CSMD1: variants seen among roughly 807,000 people sequenced by gnomAD.
CSMD1 encodes CUB and sushi domain-containing protein 1.
A neutral mutation model predicts 417.5 loss-of-function variants in CSMD1; 213 were observed. The observed-to-expected ratio is 0.51, with a 90% confidence interval of 0.46 to 0.57. CSMD1 has a LOEUF of 0.57. CSMD1 is among the 20% of genes least tolerant of loss of function. The pLI is 0.00. For synonymous variants in CSMD1, 2,862 were observed against 1,736.8 expected, an observed-to-expected ratio of 1.65 and a Z score of -16.11; for missense variants, 6,923 against 4,529.7, an observed-to-expected ratio of 1.53 and a Z score of -15.17.
chr8:4,565,625 C>T (rs1798559834), intron 2 of CSMD1, among the ~76,000 whole-genome samples: 1 of 151,646 alleles, frequency 6.6e-6, no homozygotes, highest in Non-Finnish European at 1.5e-5. Context: ...GTCCCAGCTA[C>T]TCAGGAGGCT....
At chr8:4,577,581 C>A (rs1445333997) in intron 2 of CSMD1, among the ~76,000 whole-genome samples, 1 of 152,156 alleles carries the variant, frequency 6.6e-6, no homozygotes, top group Non-Finnish European at 1.5e-5. Flanking sequence ...TTGCTTTTCC[C>A]TCAGGCAGGA....
chr8:4,050,955 G>A (rs1291347270), intron 3 of CSMD1, among the ~76,000 whole-genome samples: 2 of 152,002 alleles, frequency 1.3e-5, no homozygotes, highest in African/African-American at 2.4e-5. Context: ...GGTCTCACTT[G>A]GTTGGAGAAA....
chr8:3,706,364 G>A (rs1023133824), intron 7 of CSMD1, among the ~76,000 whole-genome samples: 6 of 152,196 alleles, frequency 3.9e-5, no homozygotes, highest in South Asian at 2.1e-4. Context: ...TTTCATCAGT[G>A]AAACAATTTC....
At chr8:4,202,782 A>T (rs892331923) in intron 3 of CSMD1, among the ~76,000 whole-genome samples, 2 of 152,224 alleles carry the variant, frequency 1.3e-5, no homozygotes, top group African/African-American at 4.8e-5. Context: ...AACAGAGAAT[A>T]AAACTGAGGA....
At chr8:3,254,234 C>G (rs564468475) in intron 26 of CSMD1, among the ~76,000 whole-genome samples, 20 of 152,256 alleles carry the variant, frequency 1.3e-4, no homozygotes, top group African/African-American at 3.9e-4. Flanking sequence ...GAGTTTCTGT[C>G]GAGAGATCAG....
At chr8:3,805,060 C>A (rs1800652255) in intron 5 of CSMD1, among the ~76,000 whole-genome samples, 2 of 151,602 alleles carry the variant, frequency 1.3e-5, no homozygotes, top group Admixed American at 1.3e-4. Flanking sequence ...ACCACTTAGG[C>A]ACAGAGAATT....
chr8:4,095,719 C>G (rs1292793712), intron 3 of CSMD1, among the ~76,000 whole-genome samples: 1 of 152,204 alleles, frequency 6.6e-6, no homozygotes. Flanking sequence ...ATCCGTACTT[C>G]AATTTGTTCA....
At chr8:4,540,525 G>A (rs570482144) in intron 2 of CSMD1, among the ~76,000 whole-genome samples, 1 of 152,116 alleles carries the variant, frequency 6.6e-6, no homozygotes, top group South Asian at 2.1e-4. Flanking sequence ...GCAACAGAGC[G>A]AGACCTCATC....
chr8:3,726,132 A>G (rs1802481777), intron 6 of CSMD1, among the ~76,000 whole-genome samples: 1 of 152,090 alleles, frequency 6.6e-6, no homozygotes, highest in Non-Finnish European at 1.5e-5. Flanking sequence ...GGTCCCTGCC[A>G]ACAGCCATGC....
At chr8:3,040,437 A>G (rs937527094) in intron 50 of CSMD1, among the ~76,000 whole-genome samples, 1 of 148,106 alleles carries the variant, frequency 6.8e-6, no homozygotes, top group East Asian at 1.9e-4. Flanking sequence ...ATATGTATAT[A>G]CAAAATGATT....
intron 5 of CSMD1, among the ~76,000 whole-genome samples, chr8:3,799,072 T>A (rs1032325129): frequency 1.3e-5 from 2 of 152,044 alleles, no homozygotes; most frequent in South Asian, 2.1e-4. Context: ...AATTAGAACA[T>A]GAAAAACTTC....
intron 10 of CSMD1, among the ~76,000 whole-genome samples, chr8:3,569,586 G>A (rs879782417): frequency 1.3e-5 from 2 of 152,146 alleles, no homozygotes; most frequent in Non-Finnish European, 2.9e-5. Flanking sequence ...CATCCAAAAT[G>A]CTTCACTGAT....
chr8:3,994,475 G>C (rs1384141413), intron 5 of CSMD1, among the ~76,000 whole-genome samples: 1 of 131,640 alleles, frequency 7.6e-6, no homozygotes, highest in Non-Finnish European at 1.5e-5. Flanking sequence ...AAGAACACTT[G>C]GCTAGTCTCA....
chr8:4,449,834 A>T (rs955923138), intron 2 of CSMD1, among the ~76,000 whole-genome samples: 11 of 152,136 alleles, frequency 7.2e-5, no homozygotes, highest in African/African-American at 2.7e-4. Context: ...TACGTTCCCT[A>T]TCTCAGTAAA....
chr8:3,508,147 T>C (rs1301121299), intron 10 of CSMD1, among the ~76,000 whole-genome samples: 1 of 152,288 alleles, frequency 6.6e-6, no homozygotes, highest in African/African-American at 2.4e-5. Flanking sequence ...CACCACATGT[T>C]CTCACTCATA....
intron 4 of CSMD1, among the ~76,000 whole-genome samples, chr8:4,026,696 T>C (rs916933627): frequency 2.6e-5 from 4 of 152,166 alleles, no homozygotes; most frequent in African/African-American, 9.7e-5. Flanking sequence ...ATCAGACAAA[T>C]GCTATCTGAG....
In CSMD1 at chr8:4,187,673, T is replaced by C. The variant is rs1191112381; in HGVS notation, c.416-155574A>G. On this transcript the variant is annotated intron_variant, in intron 3 of 69. Coordinates refer to ENST00000635120, the MANE Select transcript of CSMD1 (RefSeq NM_033225.6). ...CCTGGGCAACAAGAGTGAAACTCCG[T>C]CTCAAAAAAAAAAAAAAAAAAGCAT... Among the ~76,000 whole-genome samples, 34 of 2,410 alleles carry C rather than the reference T, an allele frequency of 0.014. No individual in the cohort carries two copies. In the South Asian group the frequency reaches 0.24, roughly 17 times the overall value. 1.6% of individuals were successfully genotyped at this position (2,410 alleles called of 152,430 possible).
intron 2 of CSMD1, among the ~76,000 whole-genome samples, chr8:4,528,553 G>A (rs1339077177): frequency 6.6e-6 from 1 of 151,794 alleles, no homozygotes; most frequent in Non-Finnish European, 1.5e-5. Context: ...TTGCTAAAAG[G>A]GTAGATCTTA....
intron 3 of CSMD1, among the ~76,000 whole-genome samples, chr8:4,361,955 A>T (rs1018205966): frequency 6.6e-6 from 1 of 151,818 alleles, no homozygotes; most frequent in African/African-American, 2.4e-5. Flanking sequence ...ACACAGCAAG[A>T]CTCCATCTCA....
Sources: allele counts gnomAD v4.1 joint callset (sites outside exome capture counted in the v4.1 genomes callset), GRCh38; gene constraint gnomAD v4.1.1; transcripts MANE v1.5; gene names NCBI Gene and HGNC (gene_info 2026-07-23, HGNC 2026-07-21).